Variants in FBXO42 observed in about 807,000 individuals in gnomAD.
FBXO42 encodes the protein F-box only protein 42.
In FBXO42, 12 loss-of-function variants were observed where a neutral mutation model predicts 71.7. The observed-to-expected ratio is 0.17, with a 90% CI of 0.11 to 0.27. The LOEUF (loss-of-function observed/expected upper bound fraction) is 0.27. Ranked by LOEUF, FBXO42 falls within the 10% of genes least tolerant of loss-of-function variation. FBXO42 has a pLI of 1.00. For missense variants in FBXO42, 707 were observed against 911.9 expected (o/e 0.78, Z 2.89); for synonymous variants, 325 against 327.5 (o/e 0.99, Z 0.08).
chr1:16,333,699 TGCA>T (rs2082524331), intron 1 of FBXO42, among the ~76,000 whole-genome samples: 1 of 152,180 alleles, frequency 6.6e-6, no homozygotes, highest in Non-Finnish European at 1.5e-5. Flanking sequence ...GATGCAAAAA[TGCA>T]CAGCCACGAG....
At chr1:16,294,691 C>G (rs1466935420) in intron 4 of FBXO42, 92 bp downstream of exon 4, 3 of 1,413,002 alleles carry the variant, frequency 2.1e-6, no homozygotes, top group Non-Finnish European at 2.9e-6. Flanking sequence ...AGTAACCCAT[C>G]CTTGAGACCA....
intron 4 of FBXO42, among the ~76,000 whole-genome samples, chr1:16,271,258 GGTGTGTGTGTGTGTGT>G (rs57827739): frequency 7.8e-4 from 107 of 137,506 alleles, no homozygotes; most frequent in African/African-American, 1.0e-3. Flanking sequence ...TGTGTGTGTT[GGTGTGTGTGTGTGTGT>G]GTGTGTGTGT....
At chr1:16,318,245 C>T (rs2100583372) in intron 1 of FBXO42, among the ~76,000 whole-genome samples, 1 of 152,110 alleles carries the variant, frequency 6.6e-6, no homozygotes, top group African/African-American at 2.4e-5. Context: ...ATGGTGAAAC[C>T]CGTCTCTACT....
chr1:16,351,686 G>T (rs2082704172), intron 1 of FBXO42, among the ~76,000 whole-genome samples: 1 of 152,116 alleles, frequency 6.6e-6, no homozygotes, highest in Non-Finnish European at 1.5e-5. Flanking sequence ...GCCTTCCACA[G>T]TCACAGCATG....
chr1:16,347,041 G>A (rs1477407475), intron 1 of FBXO42, among the ~76,000 whole-genome samples: 7 of 151,380 alleles, frequency 4.6e-5, no homozygotes, highest in East Asian at 2.0e-4. Flanking sequence ...CACCGCACCC[G>A]GCCTGTCAGA....
intron 4 of FBXO42, among the ~76,000 whole-genome samples, chr1:16,279,196 C>T (rs930073330): frequency 2.0e-5 from 3 of 152,142 alleles, no homozygotes; most frequent in African/African-American, 7.2e-5. Context: ...CCCCCACCTC[C>T]GAAAGTAAAT....
intron 2 of FBXO42, among the ~76,000 whole-genome samples, chr1:16,308,740 GTTTTTTTT>G (rs35488648): frequency 2.5e-5 from 2 of 80,652 alleles, no homozygotes; most frequent in Admixed American, 1.7e-4. Context: ...CCCCATCTCT[GTTTTTTTT>G]TTTTTTTTTT....
At chr1:16,325,554 C>A (rs1428641341) in intron 1 of FBXO42, among the ~76,000 whole-genome samples, 1 of 152,122 alleles carries the variant, frequency 6.6e-6, no homozygotes, top group East Asian at 1.9e-4. Flanking sequence ...AAATGGTGAA[C>A]TCATTAGTGT....
chr1:16,257,512 G>C (rs866248276), intron 4 of FBXO42, among the ~76,000 whole-genome samples: 1 of 152,158 alleles, frequency 6.6e-6, no homozygotes. Flanking sequence ...GCTTATGCTG[G>C]AAAACTTTAG....
chr1:16,341,492 C>A (rs2082603797), intron 1 of FBXO42, among the ~76,000 whole-genome samples: 2 of 151,526 alleles, frequency 1.3e-5, no homozygotes. Context: ...CCCAGCTACT[C>A]AGGAGGCTGA....
At chr1:16,297,948 G>T (rs1042084869) in intron 3 of FBXO42, among the ~76,000 whole-genome samples, 4 of 151,786 alleles carry the variant, frequency 2.6e-5, no homozygotes, top group Middle Eastern at 3.4e-3. Context: ...ATAACAGGCT[G>T]GGCACAGTGG....
chr1:16,313,974 A>C (rs897771705), intron 2 of FBXO42, among the ~76,000 whole-genome samples: 1 of 152,094 alleles, frequency 6.6e-6, no homozygotes. Flanking sequence ...GAAAAAAAGG[A>C]CCAGAGTCTT....
chr1:16,349,676 C>T (rs969682648), intron 1 of FBXO42, among the ~76,000 whole-genome samples: 3 of 152,120 alleles, frequency 2.0e-5, no homozygotes, highest in African/African-American at 7.2e-5. Flanking sequence ...GCCTGGCCAA[C>T]ATAGTGAAAC....
At chr1:16,342,980 GC>G (rs1227691887) in intron 1 of FBXO42, among the ~76,000 whole-genome samples, 1 of 152,104 alleles carries the variant, frequency 6.6e-6, no homozygotes, top group African/African-American at 2.4e-5. Context: ...GGAAAGCCCT[GC>G]CAGAAGCCAG....
rs150358671 is a variant in FBXO42 at position 16,290,301 on chromosome 1, C to T, written c.502+4482G>A. 9.9e-5 allele frequency among the ~76,000 whole-genome samples: 15 copies of T among 152,270 alleles called. 1 individual carries two copies. Among genetic ancestry groups the T allele is most frequent in the South Asian group, 4.1e-4 (2 of 4,826 alleles). On this transcript the variant is annotated intron_variant, in intron 4 of 9. Transcript: ENST00000375592. The stretch of plus-strand genomic sequence containing the variant: ...CCAAATCCATATGGTGAAGCCCTAA[C>T]GCCAAGGTGATGCTATGGTGGAGAT...
chr1:16,351,645 C>G (rs541308810), intron 1 of FBXO42, among the ~76,000 whole-genome samples: 32 of 152,278 alleles, frequency 2.1e-4, no homozygotes, highest in African/African-American at 7.2e-4. Flanking sequence ...CTCCACCGTT[C>G]CCTTTGCACA....
chr1:16,286,241 A>C (rs537961203), intron 4 of FBXO42, among the ~76,000 whole-genome samples: 2 of 152,236 alleles, frequency 1.3e-5, no homozygotes, highest in Admixed American at 1.3e-4. Context: ...ATCCATCTGG[A>C]TTAGTCTATT....
At position 16,248,175 on chromosome 1, in the gene FBXO42, C is replaced by T. The variant is rs2081553884; in HGVS notation, c.*2495G>A. The T allele has an allele frequency of 6.6e-6, 1 of 152,196 alleles. No homozygotes were observed. Among genetic ancestry groups the T allele is most frequent in the Non-Finnish European group, 1.5e-5 (1 of 68,046 alleles). 9.4% of individuals were successfully genotyped at this position (152,196 alleles called of 1,614,324 possible). ...GTGGAAATGCTCGCCTTGGCCGAGA[C>T]ACGTGAAGTCCCACCGCACAGGTGG... On this transcript the variant is annotated 3_prime_UTR_variant, in exon 10 of 10. Transcript: ENST00000375592.
intron 1 of FBXO42, among the ~76,000 whole-genome samples, chr1:16,350,755 AAAAAAGAAAGAAAG>A (rs1557612348): frequency 2.8e-5 from 4 of 143,304 alleles, no homozygotes; most frequent in Non-Finnish European, 4.6e-5. Flanking sequence ...AAAAAAAAAA[AAAAAAGAAAGAAAG>A]AAAGAAAGAA....
Sources: allele counts gnomAD v4.1 joint callset (sites outside exome capture counted in the v4.1 genomes callset), GRCh38; gene constraint gnomAD v4.1.1; transcripts MANE v1.5; gene names NCBI Gene and HGNC (gene_info 2026-07-23, HGNC 2026-07-21).